Variants in NIBAN1 observed in about 807,000 individuals in gnomAD.
NIBAN1 encodes the protein niban apoptosis regulator 1, also known as protein Niban 1.
NIBAN1 carries 81 observed loss-of-function variants against 75.1 expected under a neutral mutation model. That is an observed-to-expected ratio of 1.08 (90% CI 0.90 to 1.30). The LOEUF is 1.30. Ranked by LOEUF, NIBAN1 falls within the 50% of genes most tolerant of loss-of-function variation. The probability of loss-of-function intolerance (pLI) is 0.00; values close to 1 mark genes in which losing one functional copy is unlikely to be tolerated. For synonymous variants in NIBAN1, 436 were observed against 424.8 expected, an observed-to-expected ratio of 1.03 and a Z score of -0.32; for missense variants, 1,133 against 1,128.1, an observed-to-expected ratio of 1.00 and a Z score of -0.06.
At chr1:184,937,270 C>A (rs1025151285) in intron 1 of NIBAN1, among the ~76,000 whole-genome samples, 1 of 149,942 alleles carries the variant, frequency 6.7e-6, no homozygotes, top group South Asian at 2.1e-4. Context: ...TCAAGCAATG[C>A]TCCTGCCTCA....
intron 1 of NIBAN1, among the ~76,000 whole-genome samples, chr1:184,936,189 T>G (rs1657955943): frequency 6.6e-6 from 1 of 151,784 alleles, no homozygotes; most frequent in South Asian, 2.1e-4. Context: ...TCCAAAAGAG[T>G]GCTTATGTGC....
intron 6 of NIBAN1, among the ~76,000 whole-genome samples, chr1:184,824,881 T>C (rs1654803459): frequency 6.6e-6 from 1 of 152,192 alleles, no homozygotes; most frequent in Non-Finnish European, 1.5e-5. Context: ...TCCTCTTGGC[T>C]CCCAGGAGGG....
chr1:184,902,306 A>G (rs921978550), intron 1 of NIBAN1, among the ~76,000 whole-genome samples: 3 of 152,174 alleles, frequency 2.0e-5, no homozygotes, highest in Non-Finnish European at 4.4e-5. Context: ...TTCAAATCCC[A>G]TCTCTACTAC....
At chr1:184,800,237 T>C (rs1653998829) in intron 12 of NIBAN1, among the ~76,000 whole-genome samples, 1 of 150,626 alleles carries the variant, frequency 6.6e-6, no homozygotes, top group Non-Finnish European at 1.5e-5. Flanking sequence ...GTAAATTTGT[T>C]TGAGTTCATT....
chr1:184,967,223 G>C (rs55928961), intron 1 of NIBAN1, among the ~76,000 whole-genome samples: 21,240 of 95,434 alleles, frequency 0.22, 2,216 homozygotes, highest in African/African-American at 0.34. Context: ...CTCTCTCTGT[G>C]TGTGTGTGTG....
chr1:184,895,285 TC>T (rs1307789772), intron 2 of NIBAN1, among the ~76,000 whole-genome samples: 1 of 152,174 alleles, frequency 6.6e-6, no homozygotes, highest in Non-Finnish European at 1.5e-5. Context: ...ACTTCATAGT[TC>T]TTATGTGCAG....
chr1:184,887,495 A>C (rs772396406), intron 4 of NIBAN1, among the ~76,000 whole-genome samples: 7 of 152,182 alleles, frequency 4.6e-5, no homozygotes, highest in Non-Finnish European at 1.0e-4. Context: ...GTAAGATATA[A>C]GCTGAAGTGG....
At position 184,818,810 on chromosome 1, in the gene NIBAN1, G is replaced by T; in HGVS notation, c.1001C>A (p.Pro334Gln). The change falls in exon 9 of 14, where the codon CCG (proline) becomes CAG (glutamine). Residue 334 changes from proline (P) to glutamine (Q), a missense_variant. Physicochemically the swap from Pro to Gln is moderately conservative, Grantham distance 76. Transcript: ENST00000367511. ...ACTCTCCAAGCAGCTTTTCTCCGCCGGCTGGGCCACCATCGCTGAGGTAGG... is the reference window on the plus strand; with the variant it reads ...ACTCTCCAAGCAGCTTTTCTCCGCCTGCTGGGCCACCATCGCTGAGGTAGG... ...IGKIKAMVAQ[P>Q]AEKSCLESVQ... 1 of 1,592,156 alleles carries T rather than the reference G, an allele frequency of 6.3e-7. No homozygotes were observed. Among genetic ancestry groups the T allele is most frequent in the Non-Finnish European group, 8.6e-7 (1 of 1,165,466 alleles).
chr1:184,934,706 C>G (rs557403540), intron 1 of NIBAN1, among the ~76,000 whole-genome samples: 38 of 152,090 alleles, frequency 2.5e-4, no homozygotes, highest in African/African-American at 8.9e-4. Context: ...ACCAGCCTGG[C>G]CAATATGGTA....
intron 11 of NIBAN1, among the ~76,000 whole-genome samples, chr1:184,804,954 A>G (rs1652986042): frequency 1.3e-5 from 2 of 151,908 alleles, no homozygotes; most frequent in Admixed American, 6.6e-5. Flanking sequence ...ACACCCGGCT[A>G]GTTTTTTGTA....
intron 5 of NIBAN1, among the ~76,000 whole-genome samples, chr1:184,872,549 T>C (rs1025596541): frequency 2.6e-5 from 4 of 151,840 alleles, no homozygotes; most frequent in Admixed American, 2.6e-4. Flanking sequence ...CTACTAAAAA[T>C]ACAAAAAATT....
chr1:184,884,672 T>G lies in NIBAN1; in HGVS notation c.562A>C (p.Ser188Arg), dbSNP rs748153622. The part of the protein sequence containing the change: ...FHEAADQKRF[S>R]ALLSDCVRHL... ...CTGACGCAGTCACTCAGGAGGGCAC[T>G]AAACCTCTTCTGGTCAGCAGCCTCG... Residue 188 changes from serine (S) to arginine (R), a missense_variant, in exon 5 of 14, where the codon AGT becomes CGT. Transcript: ENST00000367511. 3 of 1,614,156 alleles carry G rather than the reference T, an allele frequency of 1.9e-6. No homozygotes were observed. The highest frequency in any genetic ancestry group is 2.5e-6 in the Non-Finnish European group (3 of 1,179,996).
intron 5 of NIBAN1, among the ~76,000 whole-genome samples, chr1:184,845,271 C>A (rs1217097509): frequency 6.6e-6 from 1 of 152,176 alleles, no homozygotes; most frequent in Non-Finnish European, 1.5e-5. Flanking sequence ...TAAGCATTTA[C>A]AATTATTTTC....
At chr1:184,816,500 A>G (rs1268549689) in intron 9 of NIBAN1, among the ~76,000 whole-genome samples, 1 of 152,346 alleles carries the variant, frequency 6.6e-6, no homozygotes, top group Admixed American at 6.5e-5. Context: ...AATTATTTTT[A>G]AACAAAATTT....
rs999749816 is a variant in NIBAN1, at chr1:184,894,244, A to C, written c.187-38T>G. ...GAATACAATTAACTATCACAACAAA[A>C]GATAACACACCTTGTTACCACAAAG... On this transcript the variant is annotated intron_variant, in intron 2 of 13. Transcript: ENST00000367511. The C allele has an allele frequency of 3.2e-6, 5 of 1,559,530 alleles. No individual in the cohort carries two copies. The African/African-American group carries it at 6.9e-5, about 22-fold the overall frequency.
chr1:184,883,380 C>T (rs892034141), intron 5 of NIBAN1, among the ~76,000 whole-genome samples: 16 of 152,222 alleles, frequency 1.1e-4, no homozygotes, highest in African/African-American at 3.9e-4. Flanking sequence ...GACAGGAACT[C>T]TGTATGCTTC....
chr1:184,906,761 A>G (rs1037896745), intron 1 of NIBAN1, among the ~76,000 whole-genome samples: 19 of 152,332 alleles, frequency 1.2e-4, no homozygotes, highest in African/African-American at 4.6e-4. Flanking sequence ...TTCTTGGCTT[A>G]TCTGTTTTCC....
At chr1:184,876,589 T>C (rs1374627179) in intron 5 of NIBAN1, among the ~76,000 whole-genome samples, 1 of 151,582 alleles carries the variant, frequency 6.6e-6, no homozygotes, top group Non-Finnish European at 1.5e-5. Context: ...TAATCCCAGC[T>C]ACTCTAGAGG....
chr1:184,834,698 G>C (rs1390655829), intron 5 of NIBAN1, among the ~76,000 whole-genome samples: 2 of 152,064 alleles, frequency 1.3e-5, no homozygotes, highest in Non-Finnish European at 2.9e-5. Flanking sequence ...ACTTTTTGAT[G>C]GGGTTGTTTT....
Sources: gnomAD v4.1 joint callset for allele counts (sites outside exome capture counted in the v4.1 genomes callset) on GRCh38, gnomAD v4.1.1 for gene constraint, MANE v1.5 for transcripts, NCBI Gene and HGNC (gene_info 2026-07-23, HGNC 2026-07-21) for gene names.